APBA2: variants seen among roughly 807,000 people sequenced by gnomAD.
The protein encoded by APBA2 is amyloid-beta A4 precursor protein-binding family A member 2.
In APBA2, 30 loss-of-function variants were observed where a neutral mutation model predicts 75.0. The observed-to-expected ratio is 0.40, with a 90% CI of 0.30 to 0.54. The LOEUF is 0.54. Among genes scored for constraint, APBA2 ranks in the 20% least tolerant of loss-of-function variants. The probability of loss-of-function intolerance (pLI) is 0.49; values close to 1 mark genes in which losing one functional copy is unlikely to be tolerated. For missense variants in APBA2, 801 were observed against 1,016.1 expected, an observed-to-expected ratio of 0.79 and a Z score of 2.88; for synonymous variants, 444 against 409.6, an observed-to-expected ratio of 1.08 and a Z score of -1.01.
At chr15:28,982,434 AAAGTCC>A (rs2037675194) in intron 2 of APBA2, among the ~76,000 whole-genome samples, 1 of 152,208 alleles carries the variant, frequency 6.6e-6, no homozygotes, top group Non-Finnish European at 1.5e-5. Flanking sequence ...ATGTCATTGG[AAAGTCC>A]AGAATACCTG....
At chr15:28,959,584 C>G (rs2036357646) in intron 2 of APBA2, among the ~76,000 whole-genome samples, 1 of 152,118 alleles carries the variant, frequency 6.6e-6, no homozygotes, top group Non-Finnish European at 1.5e-5. Context: ...ATCTCGACTT[C>G]CAGTCGCCAG....
At position 28,970,792 on chromosome 15, in the gene APBA2, A is replaced by G. The variant is rs572342954; in HGVS notation, c.-94-24961A>G. Among the ~76,000 whole-genome samples the G allele has an allele frequency of 3.3e-5, 5 of 151,860 alleles. No individual in the cohort carries two copies. In the East Asian group the frequency reaches 9.7e-4, roughly 29 times the overall value. On this transcript the variant is annotated intron_variant, in intron 2 of 14. Transcript: ENST00000683413. The stretch of plus-strand genomic sequence containing the variant: ...AAAAAAAAATAAAAGCAACAACAAG[A>G]AAAAACAAAGCCCAGGGCTGGGGTT...
intron 3 of APBA2, among the ~76,000 whole-genome samples, chr15:29,039,460 A>T (rs914663276): frequency 6.6e-6 from 1 of 152,028 alleles, no homozygotes; most frequent in Non-Finnish European, 1.5e-5. Context: ...CATTTTTGTC[A>T]TATTCATTAT....
intron 3 of APBA2, among the ~76,000 whole-genome samples, chr15:29,022,569 G>A (rs7181045): frequency 0.36 from 54,995 of 151,812 alleles, 16,223 homozygotes; most frequent in African/African-American, 0.79. Context: ...CCCCCCACCA[G>A]CTGATTTGAC....
At chr15:29,116,989 G>A (rs2045219024) in intron 14 of APBA2, 73 bp from the exon 15 acceptor site, 4 of 1,511,004 alleles carry the variant, frequency 2.6e-6, no homozygotes, top group African/African-American at 2.7e-5. Flanking sequence ...GTTTGCCTCT[G>A]TCCTTTGCTT....
In APBA2 at chr15:29,036,230, T is replaced by C. The variant is rs140945829; in HGVS notation, c.-40-17615T>C. 4.1e-3 allele frequency among the ~76,000 whole-genome samples: 585 copies of C among 143,608 alleles called. 5 individuals are homozygous for C. The highest frequency in any genetic ancestry group is 0.011 in the Middle Eastern group (3 of 276). The allele number at this position is 143,608 out of a possible 152,430, so 94.2% of individuals were successfully genotyped here. A position where few individuals can be genotyped will look rare whatever the true frequency, so the allele number is the denominator to read the frequency against. On this transcript the variant is annotated intron_variant, in intron 3 of 14. Transcript: ENST00000683413. Reference sequence around the variant, plus strand: ...CAGATGGCCTGAATACATATATATATATTTTTTGTCTTAAAAAACTATTTT... The same window carrying C: ...CAGATGGCCTGAATACATATATATACATTTTTTGTCTTAAAAAACTATTTT...
At chr15:28,907,518 G>A (rs1250327590) in intron 1 of APBA2, among the ~76,000 whole-genome samples, 4 of 152,136 alleles carry the variant, frequency 2.6e-5, no homozygotes, top group Non-Finnish European at 4.4e-5. Flanking sequence ...GCAGCTGTCC[G>A]TGGGCTCCCC....
rs765084356 is a variant in APBA2, at chr15:28,908,315, G to GT, written c.-204-13312dup. Among the ~76,000 whole-genome samples the GT allele has an allele frequency of 5.2e-3, 710 of 137,468 alleles. 31 individuals are homozygous for GT. The highest frequency in any genetic ancestry group is 0.011 in the East Asian group (56 of 5,006). The allele number at this position is 137,468 out of a possible 152,430, so 90.2% of individuals were successfully genotyped here. A position where few individuals can be genotyped will look rare whatever the true frequency, so the allele number is the denominator to read the frequency against. ...TTGTTTTTGTTTGTTTTGTTTTCTT[G>GT]TTTTTTTTTTTTTGAGACAGAGTCT... On this transcript the variant is annotated intron_variant, in intron 1 of 14. Transcript: ENST00000683413.
At chr15:29,092,917 C>T (rs1408211709) in intron 6 of APBA2, among the ~76,000 whole-genome samples, 158 bp from the exon 7 acceptor site, 1 of 152,206 alleles carries the variant, frequency 6.6e-6, no homozygotes, top group Non-Finnish European at 1.5e-5. Context: ...GGGAAGCAGA[C>T]CGGCCGCCCG....
At position 28,901,416 on chromosome 15, in the gene APBA2, T is replaced by C. The variant is rs2032846289; in HGVS notation, c.-205+15138T>C. ...GGGCCAGGCTCTCTCTATGGTCTCC[T>C]GGCTGGCATTTGCACTATGGAAAGC... On this transcript the variant is annotated intron_variant, in intron 1 of 14. Transcript: ENST00000683413. Among the ~76,000 whole-genome samples the C allele has an allele frequency of 3.3e-5, 5 of 150,858 alleles. No homozygotes were observed. The South Asian group carries it at 1.1e-3, about 32-fold the overall frequency.
At chr15:29,069,978 G>A (rs1440717091) in intron 4 of APBA2, among the ~76,000 whole-genome samples, 3 of 152,342 alleles carry the variant, frequency 2.0e-5, no homozygotes, top group East Asian at 1.9e-4. Flanking sequence ...CCCAGTGGTC[G>A]GTGATGGAGG....
chr15:28,899,727 G>A (rs1016597954), intron 1 of APBA2, among the ~76,000 whole-genome samples: 1 of 152,184 alleles, frequency 6.6e-6, no homozygotes, highest in African/African-American at 2.4e-5. Context: ...GGCTGTTTCC[G>A]ATTCACAGGG....
chr15:29,043,775 A>G (rs1471507504), intron 3 of APBA2, among the ~76,000 whole-genome samples: 1 of 152,222 alleles, frequency 6.6e-6, no homozygotes, highest in Non-Finnish European at 1.5e-5. Context: ...CAAAGAGAAC[A>G]CATCCCTTTG....
At chr15:29,101,217 CTTTTT>C (rs11333657) in intron 9 of APBA2, among the ~76,000 whole-genome samples, 1 of 142,610 alleles carries the variant, frequency 7.0e-6, no homozygotes, top group East Asian at 2.0e-4. Context: ...ATTGGAGTGC[CTTTTT>C]TTTTTTTTTC....
At chr15:28,958,813 CA>C (rs1566842976) in intron 2 of APBA2, among the ~76,000 whole-genome samples, 3 of 132,846 alleles carry the variant, frequency 2.3e-5, no homozygotes, top group Non-Finnish European at 4.4e-5. Flanking sequence ...GCATTATTCC[CA>C]ACTTTTTTTT....
chr15:29,091,599 G>A (rs1193601778), intron 6 of APBA2, among the ~76,000 whole-genome samples: 1 of 152,192 alleles, frequency 6.6e-6, no homozygotes, highest in African/African-American at 2.4e-5. Context: ...TTGCCCTCTT[G>A]GGCAGCTTTT....
At chr15:29,064,208 C>T (rs533549763) in intron 4 of APBA2, among the ~76,000 whole-genome samples, 15 of 152,262 alleles carry the variant, frequency 9.9e-5, no homozygotes, top group African/African-American at 1.7e-4. Flanking sequence ...TGTCTCTCAC[C>T]GACTCCAAAT....
chr15:28,981,414 A>G (rs1455757510), intron 2 of APBA2, among the ~76,000 whole-genome samples: 1 of 152,212 alleles, frequency 6.6e-6, no homozygotes, highest in Non-Finnish European at 1.5e-5. Flanking sequence ...AATGCTCAAC[A>G]TCACTAATCA....
intron 11 of APBA2, 74 bp from the exon 12 acceptor site, chr15:29,106,533 A>G: frequency 6.6e-7 from 1 of 1,526,644 alleles, no homozygotes; most frequent in Non-Finnish European, 9.0e-7. Context: ...GGTCAGCCTC[A>G]TCCTCCTGTG....
Sources: allele counts gnomAD v4.1 joint callset (sites outside exome capture counted in the v4.1 genomes callset), GRCh38; gene constraint gnomAD v4.1.1; transcripts MANE v1.5; gene names NCBI Gene and HGNC (gene_info 2026-07-23, HGNC 2026-07-21).